Variants in SYT2 observed in about 807,000 individuals in gnomAD.
SYT2 encodes the protein synaptotagmin 2.
In SYT2, 15 loss-of-function variants were observed where a neutral mutation model predicts 39.9. That is an observed-to-expected ratio of 0.38 (90% CI 0.25 to 0.58). SYT2 has a LOEUF of 0.58. SYT2 is among the 20% of genes least tolerant of loss of function. The pLI, the probability that SYT2 is intolerant of heterozygous loss-of-function variation, is 0.70. For missense variants in SYT2, 389 were observed against 530.3 expected (o/e 0.73, Z 2.62); for synonymous variants, 181 against 204.5 (o/e 0.89, Z 0.98).
At chr1:202,636,470 G>A (rs1156281743) in intron 1 of SYT2, 1 of 893,460 alleles carries the variant, frequency 1.1e-6, no homozygotes, top group Admixed American at 6.2e-5. Context: ...AGGACATCTT[G>A]GGAGAAGTGA....
intron 1 of SYT2, among the ~76,000 whole-genome samples, chr1:202,670,037 C>T (rs1692559179): frequency 6.6e-6 from 1 of 152,194 alleles, no homozygotes; most frequent in South Asian, 2.1e-4. Context: ...CACCTGTACT[C>T]ACTGACATAT....
At chr1:202,627,833 C>T (rs1193807383) in intron 1 of SYT2, among the ~76,000 whole-genome samples, 3 of 152,228 alleles carry the variant, frequency 2.0e-5, no homozygotes, top group African/African-American at 7.2e-5. Flanking sequence ...CAACCCCATC[C>T]TGAAGCAGCT....
At chr1:202,671,085 A>G (rs534232012) in intron 1 of SYT2, among the ~76,000 whole-genome samples, 1 of 152,234 alleles carries the variant, frequency 6.6e-6, no homozygotes, top group South Asian at 2.1e-4. Context: ...CTAATGAAGC[A>G]GTCAGACCAG....
chr1:202,705,911 TG>T (rs1654238348), intron 1 of SYT2, among the ~76,000 whole-genome samples: 1 of 152,158 alleles, frequency 6.6e-6, no homozygotes. Context: ...CAGCCTGCTC[TG>T]GAATTCCTGG....
intron 1 of SYT2, among the ~76,000 whole-genome samples, chr1:202,637,690 C>A (rs2149094649): frequency 6.6e-6 from 1 of 152,394 alleles, no homozygotes; most frequent in East Asian, 1.9e-4. Context: ...TCTCTCCTGG[C>A]TGCAGGGCTG....
rs1361933173 is a variant in SYT2, at chr1:202,605,794, G to A, written c.-17-5C>T. The stretch of plus-strand genomic sequence containing the variant: ...TCATGGTGGCAGAGGAAACAGCTGG[G>A]GACGAGAGGTGAAGAGGGCAGGGTG... On this transcript the variant is annotated splice_region_variant and splice_polypyrimidine_tract_variant and intron_variant, in intron 1 of 8. Transcript: ENST00000367268. 1 of 1,612,074 alleles carries A rather than the reference G, an allele frequency of 6.2e-7. No individual in the cohort carries two copies. The highest frequency in any genetic ancestry group is 1.7e-5 in the Admixed American group (1 of 59,902).
Position 202,601,882 on chromosome 1 carries a change from G to A in SYT2, c.801+8C>T, listed in dbSNP as rs1423542203. ...TTCTGCCCAACCTGGCCTCATCTCTGCTCTTACCTCCTCCTTTTCCCCGCC... is the reference window on the plus strand; with the variant it reads ...TTCTGCCCAACCTGGCCTCATCTCTACTCTTACCTCCTCCTTTTCCCCGCC... On this transcript the variant is annotated splice_region_variant and intron_variant, in intron 6 of 8. Coordinates refer to ENST00000367268, the MANE Select transcript of SYT2 (RefSeq NM_177402.5). The surrounding 1 kb of genome is among the most constrained non-coding windows in gnomAD (Gnocchi z 4.0). 2 of 1,613,096 alleles carry A rather than the reference G, an allele frequency of 1.2e-6. No homozygotes were observed. Among genetic ancestry groups the A allele is most frequent in the Admixed American group, 3.3e-5 (2 of 59,968 alleles).
chr1:202,702,476 C>A (rs371052032), intron 1 of SYT2, among the ~76,000 whole-genome samples: 1 of 152,242 alleles, frequency 6.6e-6, no homozygotes, highest in Non-Finnish European at 1.5e-5. Context: ...CCATGCTTCC[C>A]GCTAACACTG....
At chr1:202,658,284 G>C in intron 1 of SYT2, among the ~76,000 whole-genome samples, 1 of 152,172 alleles carries the variant, frequency 6.6e-6, no homozygotes, top group East Asian at 1.9e-4. Flanking sequence ...GAGTGGGACT[G>C]TGCAGGTTTC....
chr1:202,632,423 C>T (rs1691620279), intron 1 of SYT2: 3 of 369,730 alleles, frequency 8.1e-6, no homozygotes, highest in South Asian at 1.1e-4. Context: ...GACTCCGGCT[C>T]ATCACACTAC....
intron 1 of SYT2, among the ~76,000 whole-genome samples, chr1:202,608,339 G>T (rs1002696293): frequency 1.3e-5 from 2 of 150,176 alleles, no homozygotes; most frequent in East Asian, 2.0e-4. Flanking sequence ...GAGTGCAGTG[G>T]TGCAACCACT....
chr1:202,685,042 G>A (rs755922898), intron 1 of SYT2, among the ~76,000 whole-genome samples: 3 of 152,196 alleles, frequency 2.0e-5, no homozygotes, highest in Non-Finnish European at 4.4e-5. Context: ...GGAGGACATG[G>A]AAGCCGGGAA....
At position 202,593,495 on chromosome 1, in the gene SYT2, G is replaced by A. The variant is rs1690193878; in HGVS notation, c.*3262C>T. ...CAAGTTATGTATGCTTTCCTAGGAA[G>A]AAAAAAGATCAGGATCTGAGACTGT... On this transcript the variant is annotated 3_prime_UTR_variant, in exon 9 of 9. Coordinates refer to ENST00000367268, the MANE Select transcript of SYT2 (RefSeq NM_177402.5). 2 of 152,090 alleles carry A rather than the reference G, an allele frequency of 1.3e-5. No homozygotes were observed. The highest frequency in any genetic ancestry group is 2.9e-5 in the Non-Finnish European group (2 of 68,014). 9.4% of individuals were successfully genotyped at this position (152,090 alleles called of 1,614,324 possible).
chr1:202,638,470 A>G (rs1056341583), intron 1 of SYT2, among the ~76,000 whole-genome samples: 6 of 152,234 alleles, frequency 3.9e-5, no homozygotes, highest in African/African-American at 1.2e-4. Context: ...GACCCGCTCA[A>G]TGGGCCATCT....
At chr1:202,683,765 T>C (rs1653588179) in intron 1 of SYT2, among the ~76,000 whole-genome samples, 1 of 147,986 alleles carries the variant, frequency 6.8e-6, no homozygotes, top group African/African-American at 2.5e-5. Context: ...AAAGAGTGTA[T>C]ACTATATTAT....
chr1:202,637,894 T>C (rs555832552), intron 1 of SYT2, among the ~76,000 whole-genome samples: 150 of 152,376 alleles, frequency 9.8e-4, no homozygotes, highest in Non-Finnish European at 1.7e-3. Context: ...CCTCCAGGAA[T>C]GTCACTGTGG....
intron 1 of SYT2, chr1:202,632,131 C>A: frequency 1.0e-6 from 1 of 958,264 alleles, no homozygotes; most frequent in Non-Finnish European, 1.2e-6. Context: ...CTCCCCAGGG[C>A]CTGGAATCTG....
chr1:202,650,459 A>G (rs1156903504), intron 1 of SYT2, among the ~76,000 whole-genome samples: 6 of 141,590 alleles, frequency 4.2e-5, no homozygotes, highest in Non-Finnish European at 6.1e-5. Flanking sequence ...TTTTTGAGAC[A>G]TAGTTTCGCT....
chr1:202,626,398 CTTTTT>C (rs58802666), intron 1 of SYT2, among the ~76,000 whole-genome samples: 6 of 72,432 alleles, frequency 8.3e-5, no homozygotes, highest in African/African-American at 2.9e-4. Context: ...AGCCTCTCAG[CTTTTT>C]TTTTTTTTTT....
Sources: allele counts gnomAD v4.1 joint callset (sites outside exome capture counted in the v4.1 genomes callset), GRCh38; gene constraint gnomAD v4.1.1; non-coding constraint Gnocchi (gnomAD v3.1); transcripts MANE v1.5; gene names NCBI Gene and HGNC (gene_info 2026-07-23, HGNC 2026-07-21).